The following CTBP2 variants were observed in gnomAD, a reference collection of about 807,000 sequenced individuals.
The protein encoded by CTBP2 is C-terminal-binding protein 2.
CTBP2 carries 30 observed loss-of-function variants against 80.3 expected under a neutral mutation model. The observed-to-expected ratio is 0.37, with a 90% CI of 0.28 to 0.51. The LOEUF (loss-of-function observed/expected upper bound fraction) is 0.51. CTBP2 is among the 20% of genes least tolerant of loss of function. CTBP2 has a pLI of 0.93. For missense variants in CTBP2, 1,212 were observed against 1,375.3 expected (o/e 0.88, Z 1.88); for synonymous variants, 594 against 587.4 (o/e 1.01, Z -0.16).
At chr10:125,103,999 G>A (rs577355852) in intron 2 of CTBP2, among the ~76,000 whole-genome samples, 2 of 152,312 alleles carry the variant, frequency 1.3e-5, no homozygotes, top group African/African-American at 2.4e-5. Context: ...GTTAAACAAC[G>A]TATAGCTGAA....
chr10:125,123,413 C>T (rs1854673153), intron 1 of CTBP2, among the ~76,000 whole-genome samples: 2 of 152,182 alleles, frequency 1.3e-5, no homozygotes, highest in Admixed American at 1.3e-4. Flanking sequence ...TGGAGGGCAC[C>T]AGGGAAAGGG....
intron 2 of CTBP2, among the ~76,000 whole-genome samples, chr10:125,072,034 C>T (rs144158216): frequency 3.6e-4 from 55 of 152,306 alleles, no homozygotes; most frequent in Admixed American, 3.5e-3. Flanking sequence ...ACCCTGAGAC[C>T]TGGACATGGG....
intron 1 of CTBP2, among the ~76,000 whole-genome samples, chr10:125,010,026 T>A (rs1462252180): frequency 1.3e-5 from 2 of 152,086 alleles, no homozygotes; most frequent in Non-Finnish European, 2.9e-5. Context: ...CCTCCTTGTG[T>A]CCCCAGCAGC....
In CTBP2 at chr10:125,137,470, C is replaced by G. The variant is rs566237067; in HGVS notation, c.-206+22849G>C. The stretch of plus-strand genomic sequence containing the variant: ...GGATGGTGACCTGCACATACAACAT[C>G]AAGGCACCGACTTTATCTTTTAAAT... On this transcript the variant is annotated intron_variant, in intron 1 of 10. Coordinates refer to the CTBP2 transcript ENST00000337195. Among the ~76,000 whole-genome samples the G allele has an allele frequency of 4.5e-4, 69 of 152,348 alleles. 1 individual carries two copies. Among genetic ancestry groups the G allele is most frequent in the African/African-American group, 1.6e-3 (65 of 41,578 alleles).
intron 5 of CTBP2, 121 bp from the exon 8 acceptor site, chr10:124,994,106 T>A: frequency 7.2e-7 from 1 of 1,379,554 alleles, no homozygotes; most frequent in South Asian, 1.3e-5. Flanking sequence ...ATGTGTGTGC[T>A]GCAGTTTGAG....
chr10:125,143,850 G>T (rs1858274871), intron 1 of CTBP2, among the ~76,000 whole-genome samples: 1 of 152,110 alleles, frequency 6.6e-6, no homozygotes, highest in African/African-American at 2.4e-5. Context: ...AAAAGAAACT[G>T]CCAGGGCCCC....
chr10:125,137,315 A>AC (rs1275218253), intron 1 of CTBP2, among the ~76,000 whole-genome samples: 1 of 152,076 alleles, frequency 6.6e-6, no homozygotes, highest in Non-Finnish European at 1.5e-5. Context: ...AGTCTCGGGA[A>AC]CCCCTCAGCC....
At chr10:125,107,876 CG>C (rs1485939908) in intron 2 of CTBP2, among the ~76,000 whole-genome samples, 1 of 152,204 alleles carries the variant, frequency 6.6e-6, no homozygotes, top group Non-Finnish European at 1.5e-5. Flanking sequence ...CACCATTTTA[CG>C]TAATATAATA....
upstream of CTBP2, among the ~76,000 whole-genome samples, chr10:125,031,371 C>T (rs1039541981): frequency 3.3e-5 from 5 of 151,378 alleles, no homozygotes; most frequent in African/African-American, 7.3e-5. Context: ...TGCCTGTAAT[C>T]CCAGCTACTC....
At chr10:125,137,023 C>G (rs577133913) in intron 1 of CTBP2, among the ~76,000 whole-genome samples, 10 of 152,170 alleles carry the variant, frequency 6.6e-5, no homozygotes, top group Admixed American at 5.9e-4. Flanking sequence ...ACATCACCGC[C>G]GAAAACGAGA....
chr10:125,025,734 A>ACC (rs1359109875), intron 1 of CTBP2, among the ~76,000 whole-genome samples: 2 of 152,158 alleles, frequency 1.3e-5, no homozygotes, highest in Non-Finnish European at 2.9e-5. Flanking sequence ...AGAAAGGGCC[A>ACC]CCCCTCGTGA....
At chr10:125,098,682 GAGAGAGAGAGAGAGAGAGAGAGAGAC>G (rs1850006264) in intron 2 of CTBP2, among the ~76,000 whole-genome samples, 5 of 137,800 alleles carry the variant, frequency 3.6e-5, no homozygotes, top group East Asian at 4.2e-4. Context: ...GAGAGAGAGA[GAGAGAGAGAGAGAGAGAGAGAGAGAC>G]AGAGAGAGAG....
chr10:125,037,120 C>A (rs1958985823), intron 3 of CTBP2, among the ~76,000 whole-genome samples: 2 of 152,162 alleles, frequency 1.3e-5, no homozygotes, highest in South Asian at 4.1e-4. Flanking sequence ...CAAGGTAATG[C>A]AAACTTCTGT....
intron 1 of CTBP2, chr10:125,005,603 C>T: frequency 6.2e-7 from 1 of 1,612,832 alleles, no homozygotes; most frequent in Non-Finnish European, 8.5e-7. Context: ...TGGATACCCC[C>T]TCAGCTCATC....
chr10:124,995,893 G>A (rs117117820), intron 4 of CTBP2, among the ~76,000 whole-genome samples: 3 of 151,798 alleles, frequency 2.0e-5, no homozygotes, highest in East Asian at 1.9e-4. Flanking sequence ...GCCTTCCCCC[G>A]TTCCTGCAGC....
At position 124,984,384 on chromosome 10, in the gene CTBP2, G is replaced by T; in HGVS notation, c.*5134C>A. 5.9e-6 allele frequency: 1 copy of T among 170,826 alleles called. No homozygotes were observed. The highest frequency in any genetic ancestry group is 1.2e-5 in the Non-Finnish European group (1 of 80,832). 10.6% of individuals were successfully genotyped at this position (170,826 alleles called of 1,614,324 possible). Reference sequence around the variant, plus strand: ...TATAAAACGTTTATAATCACAACATGAAGAAAAAAAGTTCATAGACCGTAA... The same window carrying T: ...TATAAAACGTTTATAATCACAACATTAAGAAAAAAAGTTCATAGACCGTAA... On this transcript the variant is annotated 3_prime_UTR_variant, in exon 9 of 9. Coordinates refer to ENST00000309035, the MANE Select transcript of CTBP2 (RefSeq NM_022802.3).
chr10:125,153,343 G>A (rs1327851950), intron 1 of CTBP2, among the ~76,000 whole-genome samples: 1 of 152,220 alleles, frequency 6.6e-6, no homozygotes, highest in Non-Finnish European at 1.5e-5. Context: ...GGATCCAGAT[G>A]GATTTGCAAG....
At chr10:125,146,630 T>G (rs911962474) in intron 1 of CTBP2, among the ~76,000 whole-genome samples, 5 of 152,106 alleles carry the variant, frequency 3.3e-5, no homozygotes, top group Non-Finnish European at 7.3e-5. Context: ...AAGAAACTGC[T>G]GGTCCATGAA....
Position 125,084,089 on chromosome 10 carries a change from G to A in CTBP2, c.-102+26901C>T, listed in dbSNP as rs191012186. On this transcript the variant is annotated intron_variant, in intron 2 of 10. Coordinates refer to the CTBP2 transcript ENST00000337195. Reference sequence around the variant, plus strand: ...AGCCACGGCGCCTGGCCCCAGCTACGTTTTTTGATTTTTTGTAGAGAAGAG... The same window carrying A: ...AGCCACGGCGCCTGGCCCCAGCTACATTTTTTGATTTTTTGTAGAGAAGAG... Among the ~76,000 whole-genome samples, 15 of 152,084 alleles carry A rather than the reference G, an allele frequency of 9.9e-5. No homozygotes were observed. In the East Asian group the frequency reaches 2.7e-3, roughly 27 times the overall value.
Sources: gnomAD v4.1 joint callset for allele counts (sites outside exome capture counted in the v4.1 genomes callset) on GRCh38, gnomAD v4.1.1 for gene constraint, MANE v1.5 for transcripts, NCBI Gene and HGNC (gene_info 2026-07-23, HGNC 2026-07-21) for gene names.